Variants in COL22A1 observed in about 807,000 individuals in gnomAD.
COL22A1 encodes collagen alpha-1(XXII) chain.
Under a neutral mutation model 248.9 loss-of-function variants are expected in COL22A1, and 221 were observed. That is an observed-to-expected ratio of 0.89 (90% CI 0.80 to 0.99). The LOEUF is 0.99. COL22A1 is among the 50% of genes least tolerant of loss of function. The probability of loss-of-function intolerance (pLI) is 0.00; values close to 1 mark genes in which losing one functional copy is unlikely to be tolerated. For missense variants in COL22A1, 2,240 were observed against 2,179.0 expected (o/e 1.03, Z -0.56); for synonymous variants, 891 against 793.4 (o/e 1.12, Z -2.07).
intron 39 of COL22A1, among the ~76,000 whole-genome samples, chr8:138,683,790 C>A (rs1009682893): frequency 6.6e-6 from 1 of 152,112 alleles, no homozygotes; most frequent in African/African-American, 2.4e-5. Flanking sequence ...CTGTGTTAAG[C>A]CTCTGAAATT....
At chr8:138,716,935 CA>C in intron 27 of COL22A1, 66 bp from the exon 28 acceptor site, 2 of 1,202,592 alleles carry the variant, frequency 1.7e-6, no homozygotes, top group Non-Finnish European at 2.5e-6. Context: ...TGCCATTTCC[CA>C]GTTGTCCTCA....
At chr8:138,680,596 G>A (rs1825882910) in intron 39 of COL22A1, among the ~76,000 whole-genome samples, 1 of 152,154 alleles carries the variant, frequency 6.6e-6, no homozygotes, top group Admixed American at 6.5e-5. Flanking sequence ...ATTTCCTAAG[G>A]AAATTTCCTT....
chr8:138,848,509 G>T (rs1395449987), intron 3 of COL22A1, among the ~76,000 whole-genome samples: 1 of 152,124 alleles, frequency 6.6e-6, no homozygotes, highest in East Asian at 1.9e-4. Flanking sequence ...GGGAGGAAAA[G>T]GGCTTGCACA....
chr8:138,607,713 T>C (rs1564090099), intron 57 of COL22A1, among the ~76,000 whole-genome samples: 1 of 152,190 alleles, frequency 6.6e-6, no homozygotes, highest in Non-Finnish European at 1.5e-5. Flanking sequence ...AGACCATAGA[T>C]GCCTACGGTT....
At chr8:138,870,053 G>A (rs923311769) in intron 3 of COL22A1, among the ~76,000 whole-genome samples, 10 of 151,856 alleles carry the variant, frequency 6.6e-5, no homozygotes, top group African/African-American at 2.4e-4. Context: ...GTATTATGTG[G>A]GCACATGGAT....
intron 47 of COL22A1, among the ~76,000 whole-genome samples, chr8:138,637,311 A>G (rs941292017): frequency 6.6e-6 from 1 of 152,266 alleles, no homozygotes; most frequent in African/African-American, 2.4e-5. Context: ...GAGAAGGAGA[A>G]GTTTAGATGG....
At chr8:138,769,662 C>T (rs906496244) in intron 16 of COL22A1, among the ~76,000 whole-genome samples, 9 of 152,196 alleles carry the variant, frequency 5.9e-5, no homozygotes, top group Non-Finnish European at 8.8e-5. Flanking sequence ...CAAGTGGCTG[C>T]TCCATAAAGG....
At chr8:138,601,940 C>G (rs1197129327) in intron 60 of COL22A1, among the ~76,000 whole-genome samples, 175 bp downstream of exon 60, 1 of 152,164 alleles carries the variant, frequency 6.6e-6, no homozygotes, top group Non-Finnish European at 1.5e-5. Flanking sequence ...AGGAAAAGAA[C>G]CTCCCTTTGT....
intron 47 of COL22A1, among the ~76,000 whole-genome samples, chr8:138,640,525 T>G (rs1030827408): frequency 2.0e-5 from 3 of 152,074 alleles, no homozygotes; most frequent in African/African-American, 4.8e-5. Flanking sequence ...CCAATGCAAT[T>G]AAAATCCTGC....
chr8:138,883,832 G>A (rs145248145), intron 1 of COL22A1, among the ~76,000 whole-genome samples: 2,720 of 152,208 alleles, frequency 0.018, 31 homozygotes, highest in Non-Finnish European at 0.022. Flanking sequence ...AACCTCTTTC[G>A]TTTATAAATT....
At chr8:138,838,587 T>A (rs1241222811) in intron 4 of COL22A1, among the ~76,000 whole-genome samples, 1 of 151,874 alleles carries the variant, frequency 6.6e-6, no homozygotes, top group Non-Finnish European at 1.5e-5. Context: ...CCACTTTTAT[T>A]GGTTTCAGTG....
rs146418357 is a variant in COL22A1 at position 138,909,926 on chromosome 8, C to T, written c.-73+3693G>A. Among the ~76,000 whole-genome samples, 426 of 152,308 alleles carry T rather than the reference C, an allele frequency of 2.8e-3. 2 individuals are homozygous for T. Among genetic ancestry groups the T allele is most frequent in the African/African-American group, 9.5e-3 (395 of 41,558 alleles). On this transcript the variant is annotated intron_variant, in intron 1 of 64. Transcript: ENST00000303045. ...TGCCCTCTGACCCAGAAATCCCACT[C>T]CTTAAGAATAATCTGAGATACATCA...
intron 5 of COL22A1, among the ~76,000 whole-genome samples, chr8:138,829,215 G>T (rs1424350629): frequency 1.3e-5 from 2 of 152,104 alleles, no homozygotes; most frequent in African/African-American, 4.8e-5. Context: ...CAGGTAGTAG[G>T]AACAGGGCCC....
chr8:138,858,072 T>C (rs1254904076), intron 3 of COL22A1, among the ~76,000 whole-genome samples: 2 of 152,252 alleles, frequency 1.3e-5, no homozygotes, highest in African/African-American at 4.8e-5. Flanking sequence ...ATCAGTTCAG[T>C]GTGAACTAAC....
chr8:138,854,725 G>A (rs1193261420), intron 3 of COL22A1, among the ~76,000 whole-genome samples: 2 of 152,204 alleles, frequency 1.3e-5, no homozygotes, highest in Admixed American at 1.3e-4. Context: ...TGGCCTCCGA[G>A]ACCCCATCAG....
intron 22 of COL22A1, among the ~76,000 whole-genome samples, chr8:138,748,632 C>G (rs1250943991): frequency 3.9e-5 from 6 of 152,226 alleles, no homozygotes; most frequent in African/African-American, 1.4e-4. Context: ...TGCACCCCAA[C>G]CCCTCACCCT....
At chr8:138,603,138 C>T (rs750769683) in intron 59 of COL22A1, among the ~76,000 whole-genome samples, 14 of 152,208 alleles carry the variant, frequency 9.2e-5, no homozygotes, top group Non-Finnish European at 1.8e-4. Context: ...AAACATTCAT[C>T]GCATCCCTTT....
intron 47 of COL22A1, among the ~76,000 whole-genome samples, chr8:138,646,373 C>T (rs1822205331): frequency 6.6e-6 from 1 of 152,114 alleles, no homozygotes. Flanking sequence ...CCAGTAGGTC[C>T]CACACAGTCC....
chr8:138,702,980 C>T (rs2130991772), intron 31 of COL22A1, among the ~76,000 whole-genome samples: 2 of 152,322 alleles, frequency 1.3e-5, no homozygotes, highest in Admixed American at 1.3e-4. Flanking sequence ...GTTCCTGGGT[C>T]ATGGTAGTGC....
Sources: allele counts gnomAD v4.1 joint callset (sites outside exome capture counted in the v4.1 genomes callset), GRCh38; gene constraint gnomAD v4.1.1; transcripts MANE v1.5; gene names NCBI Gene and HGNC (gene_info 2026-07-23, HGNC 2026-07-21).